RANBP17: variants seen among roughly 807,000 people sequenced by gnomAD.
RANBP17 encodes the protein ran-binding protein 17.
Under a neutral mutation model 141.2 loss-of-function variants are expected in RANBP17, and 158 were observed. That is an observed-to-expected ratio of 1.12 (90% confidence interval 0.98 to 1.28). RANBP17 has a LOEUF of 1.28. Among genes scored for constraint, RANBP17 ranks in the 50% most tolerant of loss-of-function variants. The probability of loss-of-function intolerance (pLI) is 0.00; values close to 1 mark genes in which losing one functional copy is unlikely to be tolerated. For missense variants in RANBP17, 1,438 were observed against 1,290.7 expected (o/e 1.11, Z -1.75); for synonymous variants, 430 against 450.0 (o/e 0.96, Z 0.56).
chr5:171,224,975 C>A (rs111693478), intron 22 of RANBP17, among the ~76,000 whole-genome samples: 2,815 of 152,272 alleles, frequency 0.018, 84 homozygotes, highest in African/African-American at 0.057. Context: ...GAAAATACTT[C>A]ATGCCTCAAA....
intron 1 of RANBP17, among the ~76,000 whole-genome samples, chr5:170,876,054 G>C (rs1180192519): frequency 1.3e-5 from 2 of 152,120 alleles, no homozygotes; most frequent in African/African-American, 2.4e-5. Context: ...TGTTAGTCTG[G>C]GTCACTCCTG....
At chr5:171,056,916 T>C (rs184551278) in intron 14 of RANBP17, among the ~76,000 whole-genome samples, 2 of 152,278 alleles carry the variant, frequency 1.3e-5, no homozygotes, top group African/African-American at 4.8e-5. Flanking sequence ...TCCTACAGTT[T>C]ATTCAGAAGG....
At chr5:171,147,766 G>A (rs184039912) in intron 14 of RANBP17, among the ~76,000 whole-genome samples, 50 of 152,172 alleles carry the variant, frequency 3.3e-4, no homozygotes, top group Admixed American at 5.9e-4. Context: ...AATCTCAGGT[G>A]GGGGGGTCAG....
intron 14 of RANBP17, among the ~76,000 whole-genome samples, chr5:170,988,136 C>CT (rs1263256564): frequency 5.3e-5 from 8 of 151,470 alleles, no homozygotes; most frequent in Admixed American, 3.3e-4. Context: ...TTTTTCCTCT[C>CT]TTTTTTTCTA....
At chr5:170,903,422 C>T (rs539665936) in intron 5 of RANBP17, 4,410 of 153,414 alleles carry the variant, frequency 0.029, 209 homozygotes, top group African/African-American at 0.098. Flanking sequence ...TGCTGGGCTA[C>T]GTGGGGGTGG....
chr5:171,018,354 G>T (rs935411022), intron 14 of RANBP17, among the ~76,000 whole-genome samples: 3 of 152,114 alleles, frequency 2.0e-5, no homozygotes, highest in Non-Finnish European at 4.4e-5. Flanking sequence ...GAGCAGTATG[G>T]CCATTTTCAC....
intron 24 of RANBP17, among the ~76,000 whole-genome samples, chr5:171,265,231 G>T (rs1260634496): frequency 1.3e-5 from 2 of 152,206 alleles, no homozygotes; most frequent in African/African-American, 4.8e-5. Context: ...TGGGTTCAAA[G>T]AGTTATATAA....
At chr5:171,110,179 C>T (rs1473179579) in intron 14 of RANBP17, among the ~76,000 whole-genome samples, 1 of 151,870 alleles carries the variant, frequency 6.6e-6, no homozygotes, top group Non-Finnish European at 1.5e-5. Context: ...TCTGTTACTT[C>T]CTGGCTCTGT....
rs542747331 is a variant in RANBP17, at chr5:170,866,087, C to G, written c.18+4036C>G. On this transcript the variant is annotated intron_variant, in intron 1 of 27. Coordinates refer to ENST00000523189, the MANE Select transcript of RANBP17 (RefSeq NM_022897.5). ...GTGTTTGAAATCAGTCCTAGGTTGA[C>G]TATTACCTTGTGACCCAAAGTCCTG... Among the ~76,000 whole-genome samples the G allele has an allele frequency of 2.6e-5, 4 of 152,280 alleles. No individual in the cohort carries two copies. In the South Asian group the frequency reaches 8.3e-4, roughly 32 times the overall value.
Position 171,241,369 on chromosome 5 carries a change from A to G in RANBP17, c.2637+227A>G, listed in dbSNP as rs1243614276. Among the ~76,000 whole-genome samples, 3 of 151,282 alleles carry G rather than the reference A, an allele frequency of 2.0e-5. No individual in the cohort carries two copies. The Admixed American group carries it at 2.0e-4, about 10-fold the overall frequency. The stretch of plus-strand genomic sequence containing the variant: ...ACCAATATGTGCCCAATGTAGTAGC[A>G]GTAATTACTTGAGTAACATAGCCAA... On this transcript the variant is annotated intron_variant, in intron 23 of 27. Transcript: ENST00000523189.
chr5:171,253,615 G>A (rs1005940608), intron 24 of RANBP17, among the ~76,000 whole-genome samples: 1 of 152,196 alleles, frequency 6.6e-6, no homozygotes, highest in African/African-American at 2.4e-5. Flanking sequence ...CAAGGGGAAA[G>A]ACTGGCTTTG....
chr5:170,875,929 G>T (rs983806689), intron 1 of RANBP17, among the ~76,000 whole-genome samples: 3 of 152,132 alleles, frequency 2.0e-5, no homozygotes, highest in African/African-American at 2.4e-5. Context: ...TGAGGTTTTT[G>T]TGGGGACTCT....
chr5:170,975,726 A>G (rs1157077789), intron 14 of RANBP17, among the ~76,000 whole-genome samples: 1 of 152,192 alleles, frequency 6.6e-6, no homozygotes, highest in Middle Eastern at 3.2e-3. Context: ...ATTGGAAATT[A>G]GATTTTAACA....
chr5:171,089,078 C>A lies in RANBP17; in HGVS notation c.1711-81052C>A, dbSNP rs892052130. ...TTCCAGTTTTTCTGCTCTGTTTTTT[C>A]CCCATCTTTGTGGTTTTATCTACTT... On this transcript the variant is annotated intron_variant, in intron 14 of 27. Transcript: ENST00000523189. 1.2e-3 allele frequency among the ~76,000 whole-genome samples: 178 copies of A among 151,868 alleles called. 1 individual carries two copies. Among genetic ancestry groups the A allele is most frequent in the Non-Finnish European group, 1.2e-3 (82 of 67,910 alleles).
chr5:171,149,353 C>A (rs1417370392), intron 14 of RANBP17, among the ~76,000 whole-genome samples: 2 of 152,210 alleles, frequency 1.3e-5, no homozygotes, highest in African/African-American at 4.8e-5. Flanking sequence ...ATAAAAATAT[C>A]TAAACAGGAG....
intron 14 of RANBP17, among the ~76,000 whole-genome samples, chr5:171,135,896 C>G (rs1581709394): frequency 6.6e-6 from 1 of 152,144 alleles, no homozygotes; most frequent in East Asian, 1.9e-4. Context: ...CTAATGGCAA[C>G]CTCCAGTGCC....
intron 22 of RANBP17, among the ~76,000 whole-genome samples, chr5:171,235,946 A>C (rs1332858513): frequency 6.6e-6 from 1 of 152,194 alleles, no homozygotes; most frequent in Non-Finnish European, 1.5e-5. Flanking sequence ...GAATAGTTAT[A>C]CTAATTTTAT....
At chr5:171,221,643 T>C (rs1763562329) in intron 21 of RANBP17, 115 bp from the exon 22 acceptor site, 3 of 673,356 alleles carry the variant, frequency 4.5e-6, no homozygotes, top group Non-Finnish European at 5.2e-6. Flanking sequence ...GGAGTGGAAC[T>C]TTAAGAGACA....
Position 171,298,803 on chromosome 5 carries a change from A to AGGC in RANBP17, c.3214_3216dup (p.Ala1072dup). ...TCTGTATTCAGAAGAGATGTGGCAG[A>AGGC]GGCGTTGCGCAGTGATGGCAACACT... On this transcript the variant is annotated inframe_insertion, in exon 28 of 28. Coordinates refer to ENST00000523189, the MANE Select transcript of RANBP17 (RefSeq NM_022897.5). The AGGC allele has an allele frequency of 6.2e-7, 1 of 1,614,176 alleles. No homozygotes were observed. Among genetic ancestry groups the AGGC allele is most frequent in the South Asian group, 1.1e-5 (1 of 91,072 alleles).
Sources: allele counts gnomAD v4.1 joint callset (sites outside exome capture counted in the v4.1 genomes callset), GRCh38; gene constraint gnomAD v4.1.1; transcripts MANE v1.5; gene names NCBI Gene and HGNC (gene_info 2026-07-23, HGNC 2026-07-21).